The following AXIN2 variants were observed in gnomAD, a reference collection of about 807,000 sequenced individuals.
AXIN2 encodes the protein axin 2, also known as axin-2.
Under a neutral mutation model 74.7 loss-of-function variants are expected in AXIN2, and 21 were observed. The observed-to-expected ratio is 0.28, with a 90% CI of 0.20 to 0.40. The LOEUF (loss-of-function observed/expected upper bound fraction) is 0.40, where lower values mean the gene tolerates loss of function less well. Ranked by LOEUF, AXIN2 falls within the 10% of genes least tolerant of loss-of-function variation. AXIN2 has a pLI of 1.00. For synonymous variants in AXIN2, 532 were observed against 454.9 expected, an observed-to-expected ratio of 1.17 and a Z score of -2.16; for missense variants, 1,144 against 1,111.1, an observed-to-expected ratio of 1.03 and a Z score of -0.42.
chr17:65,543,282 T>G (rs1319606740), intron 3 of AXIN2, among the ~76,000 whole-genome samples: 3 of 152,268 alleles, frequency 2.0e-5, no homozygotes. Flanking sequence ...GAAACACGTC[T>G]TCTACTCATG....
chr17:65,534,218 C>G (rs2043871457), intron 9 of AXIN2, 139 bp from the exon 10 acceptor site: 1 of 1,084,734 alleles, frequency 9.2e-7, no homozygotes, highest in Non-Finnish European at 1.4e-6. Flanking sequence ...AAAGTGGGGG[C>G]TGGGGCAGAG....
At chr17:65,542,061 A>G (rs2044052262) in intron 3 of AXIN2, among the ~76,000 whole-genome samples, 1 of 152,178 alleles carries the variant, frequency 6.6e-6, no homozygotes, top group African/African-American at 2.4e-5. Context: ...AGCATGCATA[A>G]CTCTCCAAGT....
intron 4 of AXIN2, among the ~76,000 whole-genome samples, chr17:65,541,176 C>T (rs535873699): frequency 1.3e-5 from 2 of 152,290 alleles, no homozygotes; most frequent in South Asian, 4.1e-4. Flanking sequence ...CTGTGCCCAG[C>T]CGTAAACCTC....
chr17:65,534,546 T>G (rs1338539246), intron 9 of AXIN2, among the ~76,000 whole-genome samples: 2 of 152,056 alleles, frequency 1.3e-5, no homozygotes, highest in African/African-American at 2.4e-5. Context: ...CACCCCTTAT[T>G]CCAGCAGAAT....
At chr17:65,558,830 A>T (rs2044317780) in intron 1 of AXIN2, 94 bp from the exon 2 acceptor site, 2 of 603,590 alleles carry the variant, frequency 3.3e-6, no homozygotes, top group Admixed American at 2.8e-5. Context: ...AAGAAAGTAA[A>T]CAGGCTTTTC....
intron 2 of AXIN2, among the ~76,000 whole-genome samples, chr17:65,554,100 T>G (rs1219967073): frequency 2.4e-4 from 37 of 151,434 alleles, no homozygotes; most frequent in Admixed American, 2.4e-3. Context: ...GGCTGCTTTC[T>G]GTTTTCCCCT....
intron 3 of AXIN2, among the ~76,000 whole-genome samples, chr17:65,545,279 T>C (rs2144518290): frequency 6.6e-6 from 1 of 152,322 alleles, no homozygotes; most frequent in East Asian, 1.9e-4. Flanking sequence ...CTGCTGCTTC[T>C]GACATTTTCA....
At position 65,537,791 on chromosome 17, in the gene AXIN2, C is replaced by G; in HGVS notation, c.1245G>C (p.Glu415Asp). 6.3e-7 allele frequency: 1 copy of G among 1,588,684 alleles called. No homozygotes were observed. Among genetic ancestry groups the G allele is most frequent in the Admixed American group, 1.8e-5 (1 of 56,286 alleles). The change falls in exon 6 of 11, where the codon GAG becomes GAC. Residue 415 changes from glutamate (E) to aspartate (D), a missense_variant. By Grantham distance (45) the Glu-to-Asp change is conservative. Coordinates refer to ENST00000307078, the MANE Select transcript of AXIN2 (RefSeq NM_004655.4). ...AGAGGGGGTGCTGCGTGGGCGCCCC[C>G]TCCCGCGAATTGAGTGTGAGCTCGG... ...EGSELTLNSR[E>D]GAPTQHPLSL...
chr17:65,536,849 C>T lies in AXIN2; in HGVS notation c.1907+20G>A, dbSNP rs758711638. 4.3e-6 allele frequency: 7 copies of T among 1,612,350 alleles called. No homozygotes were observed. The highest frequency in any genetic ancestry group is 1.3e-5 in the African/African-American group (1 of 74,876). ...GTGCCCATGACCCTCGCGGCCGCGG[C>T]GGCGGCAAGCGGTGTTTACCTATGG... On this transcript the variant is annotated intron_variant, in intron 7 of 10. Transcript: ENST00000307078.
chr17:65,530,405 G>C (rs542148923), intron 10 of AXIN2, among the ~76,000 whole-genome samples: 1 of 152,274 alleles, frequency 6.6e-6, no homozygotes, highest in Admixed American at 6.5e-5. Context: ...GTGAAAAGCA[G>C]AGCTGCTTTC....
At position 65,529,294 on chromosome 17, in the gene AXIN2, C is replaced by A. The variant is rs561808770; in HGVS notation, c.*682G>T. The A allele has an allele frequency of 2.1e-5, 5 of 236,108 alleles. No individual in the cohort carries two copies. The East Asian group carries it at 3.0e-4, about 14-fold the overall frequency. The allele number at this position is 236,108 out of a possible 1,614,324, so 14.6% of individuals were successfully genotyped here. A position where few individuals can be genotyped will look rare whatever the true frequency, so the allele number is the denominator to read the frequency against. On this transcript the variant is annotated 3_prime_UTR_variant, in exon 11 of 11. Coordinates refer to ENST00000307078, the MANE Select transcript of AXIN2 (RefSeq NM_004655.4). ...ACAACCCCCAAAATGTTGATGATGA[C>A]GCAACATGGTCAACCCTCAAGACCT...
intron 2 of AXIN2, among the ~76,000 whole-genome samples, chr17:65,550,371 A>G (rs990042130): frequency 6.6e-6 from 1 of 152,208 alleles, no homozygotes; most frequent in African/African-American, 2.4e-5. Flanking sequence ...GCTGTTTCAA[A>G]GGAAGGCCCA....
In AXIN2 at chr17:65,552,906, T is replaced by C. The variant is rs151151687; in HGVS notation, c.816-3246A>G. ...AGCCGGGCGTGGTGGCGCGTGCTTG[T>C]AATCCCAGCTACTCGGGAGGCTGAG... On this transcript the variant is annotated intron_variant, in intron 2 of 10. Transcript: ENST00000307078. Among the ~76,000 whole-genome samples, 347 of 152,090 alleles carry C rather than the reference T, an allele frequency of 2.3e-3. 11 individuals carry two copies. In the East Asian group the frequency reaches 0.062, roughly 27 times the overall value.
At chr17:65,532,402 T>G (rs1164213850) in intron 10 of AXIN2, among the ~76,000 whole-genome samples, 1 of 152,120 alleles carries the variant, frequency 6.6e-6, no homozygotes, top group East Asian at 1.9e-4. Context: ...TAGTTTCACC[T>G]TGTGTCTTTT....
chr17:65,541,021 C>T (rs993199743), intron 4 of AXIN2, among the ~76,000 whole-genome samples: 20 of 152,200 alleles, frequency 1.3e-4, no homozygotes, highest in African/African-American at 2.4e-4. Context: ...GGACTACAGG[C>T]GCACGTCACC....
intron 3 of AXIN2, among the ~76,000 whole-genome samples, chr17:65,544,631 T>A (rs1034228864): frequency 1.3e-5 from 2 of 152,316 alleles, no homozygotes. Flanking sequence ...GTGATCAGTT[T>A]CCTGGCTGCT....
At chr17:65,545,549 G>A (rs751646638) in intron 3 of AXIN2, among the ~76,000 whole-genome samples, 3 of 152,222 alleles carry the variant, frequency 2.0e-5, no homozygotes, top group Non-Finnish European at 2.9e-5. Context: ...TTAGCTGGGC[G>A]TGGTGGTGCA....
rs1162974793 is a variant in AXIN2, at chr17:65,558,256, A to C, written c.365T>G (p.Leu122Arg). ...TACTCGTAAAGTTTTGGTATCCTTCAGGTTCATCTGCCTGAATCCATTGCA... is the reference window on the plus strand; with the variant it reads ...TACTCGTAAAGTTTTGGTATCCTTCCGGTTCATCTGCCTGAATCCATTGCA... ...FACNGFRQMN[L>R]KDTKTLRVAK... Residue 122 changes from leucine (L) to arginine (R), a missense_variant, in exon 2 of 11, where the codon CTG becomes CGG. Physicochemically the swap from Leu to Arg is moderately radical, Grantham distance 102. Coordinates refer to ENST00000307078, the MANE Select transcript of AXIN2 (RefSeq NM_004655.4). 2.5e-6 allele frequency: 4 copies of C among 1,614,012 alleles called. No individual in the cohort carries two copies. In the African/African-American group the frequency reaches 4.0e-5, roughly 16 times the overall value.
chr17:65,556,845 A>T (rs2044274082), intron 2 of AXIN2, among the ~76,000 whole-genome samples: 1 of 152,186 alleles, frequency 6.6e-6, no homozygotes. Flanking sequence ...TTCAGAGAGC[A>T]GTCAAGTGCA....
Sources: allele counts gnomAD v4.1 joint callset (sites outside exome capture counted in the v4.1 genomes callset), GRCh38; gene constraint gnomAD v4.1.1; transcripts MANE v1.5; gene names NCBI Gene and HGNC (gene_info 2026-07-23, HGNC 2026-07-21).